CPLX2: variants seen among roughly 807,000 people sequenced by gnomAD.
The protein encoded by CPLX2 is complexin 2.
CPLX2 carries 5 observed loss-of-function variants against 16.3 expected under a neutral mutation model. The ratio of observed to expected loss-of-function variants is 0.31; its 90% confidence interval spans 0.16 to 0.64. The LOEUF (loss-of-function observed/expected upper bound fraction) is 0.64, where lower values mean the gene tolerates loss of function less well. Ranked by LOEUF, CPLX2 falls within the 30% of genes least tolerant of loss-of-function variation. CPLX2 has a pLI of 0.79. For synonymous variants in CPLX2, 89 were observed against 73.2 expected (o/e 1.22, Z -1.10); for missense variants, 144 against 181.4 (o/e 0.79, Z 1.18).
At chr5:175,799,576 A>ATG (rs1758054785) in intron 1 of CPLX2, among the ~76,000 whole-genome samples, 1 of 142,504 alleles carries the variant, frequency 7.0e-6, no homozygotes, top group Non-Finnish European at 1.5e-5. Context: ...ATATATATAT[A>ATG]GTAATCACAG....
At chr5:175,878,479 G>T in intron 1 of CPLX2, 173 bp from the exon 2 acceptor site, 1 of 578,078 alleles carries the variant, frequency 1.7e-6, no homozygotes, top group Admixed American at 3.2e-5. Flanking sequence ...CTACGTGTCT[G>T]CCCAGTAAAT....
Position 175,799,628 on chromosome 5 carries a change from TCCTCAG to T in CPLX2, c.-169+2849_-169+2854del, listed in dbSNP as rs371106980. ...ACTCCTGGGCTTAAGGGGTCCTCCC[TCCTCAG>T]CCTCCCAAGTGGTTAGGACTACAGG... On this transcript the variant is annotated intron_variant, in intron 1 of 4. Coordinates refer to the CPLX2 transcript ENST00000359546. Among the ~76,000 whole-genome samples, 644 of 147,326 alleles carry T rather than the reference TCCTCAG, an allele frequency of 4.4e-3. 4 individuals carry two copies. Among genetic ancestry groups the T allele is most frequent in the South Asian group, 0.022 (101 of 4,576 alleles).
At chr5:175,835,728 CTTTTTTTTTTTTTTTTT>C (rs71575283) in intron 2 of CPLX2, among the ~76,000 whole-genome samples, 4 of 54,770 alleles carry the variant, frequency 7.3e-5, no homozygotes, top group Non-Finnish European at 1.3e-4. Flanking sequence ...TATTTATTTA[CTTTTTTTTTTTTTTTTT>C]TTTTTTTTTT....
intron 2 of CPLX2, among the ~76,000 whole-genome samples, chr5:175,855,686 G>A (rs532575410): frequency 2.0e-5 from 3 of 152,260 alleles, no homozygotes; most frequent in African/African-American, 7.2e-5. Flanking sequence ...AAGTCCAACA[G>A]AAAGAGAGGT....
At chr5:175,847,639 C>T (rs1316040467) in intron 2 of CPLX2, among the ~76,000 whole-genome samples, 2 of 152,196 alleles carry the variant, frequency 1.3e-5, no homozygotes, top group African/African-American at 4.8e-5. Flanking sequence ...TTAGAGAGAA[C>T]GGGAGGTCCT....
At chr5:175,799,540 A>ATATATATATTTT (rs71702847) in intron 1 of CPLX2, among the ~76,000 whole-genome samples, 2 of 28,234 alleles carry the variant, frequency 7.1e-5, no homozygotes, top group African/African-American at 2.5e-4. Context: ...TGCAAATTTC[A>ATATATATATTTT]TATATATATA....
At chr5:175,801,180 G>T (rs1458955627) in intron 1 of CPLX2, among the ~76,000 whole-genome samples, 3 of 100,102 alleles carry the variant, frequency 3.0e-5, no homozygotes, top group Non-Finnish European at 6.9e-5. Context: ...AAAAAAACTG[G>T]GTTTTAAAAA....
At chr5:175,862,478 G>A (rs1286204112) in intron 2 of CPLX2, among the ~76,000 whole-genome samples, 8 of 152,168 alleles carry the variant, frequency 5.3e-5, no homozygotes, top group South Asian at 2.1e-4. Context: ...CAAACAGCAC[G>A]GGCAAAAGTT....
At chr5:175,828,993 A>G (rs1489675231) in intron 2 of CPLX2, among the ~76,000 whole-genome samples, 1 of 152,072 alleles carries the variant, frequency 6.6e-6, no homozygotes, top group African/African-American at 2.4e-5. Flanking sequence ...ACTCCCCGCA[A>G]ACACACCTGA....
At chr5:175,857,658 G>T (rs558402464) in intron 2 of CPLX2, among the ~76,000 whole-genome samples, 1 of 152,192 alleles carries the variant, frequency 6.6e-6, no homozygotes, top group African/African-American at 2.4e-5. Flanking sequence ...TGGTTGTATG[G>T]GTACCTGAGG....
chr5:175,841,525 T>C (rs1313467104), intron 2 of CPLX2, among the ~76,000 whole-genome samples: 2 of 152,148 alleles, frequency 1.3e-5, no homozygotes, highest in Admixed American at 1.3e-4. Flanking sequence ...TCAACTACCC[T>C]AAAACATGCA....
intron 2 of CPLX2, among the ~76,000 whole-genome samples, chr5:175,821,527 C>T (rs1475752708): frequency 1.3e-5 from 2 of 152,118 alleles, no homozygotes; most frequent in African/African-American, 4.8e-5. Flanking sequence ...CCCGCCTTAG[C>T]CTCCTGAGTA....
At chr5:175,848,482 T>C (rs13174727) in intron 2 of CPLX2, among the ~76,000 whole-genome samples, 16,139 of 152,048 alleles carry the variant, frequency 0.11, 1,197 homozygotes, top group Middle Eastern at 0.21. Flanking sequence ...TTGCAAGGTG[T>C]TGTTCAGTGT....
At chr5:175,851,511 T>G (rs1006236786) in intron 2 of CPLX2, among the ~76,000 whole-genome samples, 1 of 152,214 alleles carries the variant, frequency 6.6e-6, no homozygotes, top group South Asian at 2.1e-4. Context: ...AGTCACTTCA[T>G]GGCCCAGACC....
chr5:175,843,993 G>A (rs1232748626), intron 2 of CPLX2, among the ~76,000 whole-genome samples: 1 of 152,250 alleles, frequency 6.6e-6, no homozygotes, highest in Admixed American at 6.5e-5. Flanking sequence ...TTGCCCATGT[G>A]GGGCAGATTT....
chr5:175,875,959 C>T (rs1420559672), intron 1 of CPLX2, among the ~76,000 whole-genome samples: 2 of 151,920 alleles, frequency 1.3e-5, no homozygotes, highest in Non-Finnish European at 2.9e-5. Context: ...TAAACAATGT[C>T]TGATGAATGC....
intron 1 of CPLX2, among the ~76,000 whole-genome samples, chr5:175,875,526 T>C (rs1168425605): frequency 6.6e-6 from 1 of 152,220 alleles, no homozygotes; most frequent in East Asian, 1.9e-4. Flanking sequence ...ATAATTCTCA[T>C]TTTATAGAGA....
At chr5:175,869,785 T>C (rs1759550717), upstream of CPLX2, among the ~76,000 whole-genome samples, 1 of 152,188 alleles carries the variant, frequency 6.6e-6, no homozygotes, top group Admixed American at 6.5e-5. Flanking sequence ...TACTCACGTT[T>C]GTCAAAGTCC....
intron 2 of CPLX2, among the ~76,000 whole-genome samples, chr5:175,856,780 T>C (rs564573751): frequency 1.3e-5 from 2 of 152,092 alleles, no homozygotes; most frequent in Non-Finnish European, 2.9e-5. Context: ...CAGCGGGTTC[T>C]CAGGAAGGTG....
Sources: gnomAD v4.1 joint callset for allele counts (sites outside exome capture counted in the v4.1 genomes callset) on GRCh38, gnomAD v4.1.1 for gene constraint, MANE v1.5 for transcripts, NCBI Gene and HGNC (gene_info 2026-07-23, HGNC 2026-07-21) for gene names.